Variants in ATP13A4 observed in about 807,000 individuals in gnomAD.
The protein encoded by ATP13A4 is ATPase 13A4, also known as probable cation-transporting ATPase 13A4.
Under a neutral mutation model 142.5 loss-of-function variants are expected in ATP13A4, and 114 were observed. The ratio of observed to expected loss-of-function variants is 0.80; its 90% CI spans 0.69 to 0.93. The LOEUF is 0.93. ATP13A4 is among the 40% of genes least tolerant of loss of function. The probability of loss-of-function intolerance (pLI) is 0.00; values close to 1 mark genes in which losing one functional copy is unlikely to be tolerated. For synonymous variants in ATP13A4, 488 were observed against 514.8 expected, an observed-to-expected ratio of 0.95 and a Z score of 0.70; for missense variants, 1,392 against 1,454.0, an observed-to-expected ratio of 0.96 and a Z score of 0.69.
intron 8 of ATP13A4, among the ~76,000 whole-genome samples, chr3:193,474,648 G>GAAGA (rs369712591): frequency 3.3e-4 from 42 of 127,310 alleles, no homozygotes; most frequent in Admixed American, 1.3e-3. Context: ...AGAAAGAAAG[G>GAAGA]AAGAAAGAAA....
At chr3:193,593,027 G>T in exon 1 of ATP13A4, 1 of 307,204 alleles carries the variant, frequency 3.3e-6, no homozygotes, top group Non-Finnish European at 6.0e-6. Context: ...TAACCTGCAA[G>T]GCTAATTCCG....
chr3:193,486,107 T>A (rs1216948808), intron 7 of ATP13A4, among the ~76,000 whole-genome samples: 1 of 150,742 alleles, frequency 6.6e-6, no homozygotes, highest in African/African-American at 2.4e-5. Flanking sequence ...AAATATTTTA[T>A]GATTCTGAGT....
intron 1 of ATP13A4, among the ~76,000 whole-genome samples, chr3:193,525,106 C>A (rs1577050816): frequency 6.6e-6 from 1 of 152,174 alleles, no homozygotes; most frequent in Admixed American, 6.5e-5. Context: ...AGCAGGCCCA[C>A]AAATATTTTT....
At chr3:193,443,043 A>G (rs2108624558) in intron 18 of ATP13A4, among the ~76,000 whole-genome samples, 1 of 152,274 alleles carries the variant, frequency 6.6e-6, no homozygotes, top group East Asian at 1.9e-4. Flanking sequence ...AAATTTGGAG[A>G]AGCAACCTAC....
At chr3:193,477,162 T>C (rs74805990) in intron 8 of ATP13A4, among the ~76,000 whole-genome samples, 1,654 of 152,222 alleles carry the variant, frequency 0.011, 50 homozygotes, top group African/African-American at 0.037. Flanking sequence ...CTTGATTCTA[T>C]TGAGGAAATT....
Position 193,416,713 on chromosome 3 carries a change from G to A in ATP13A4, c.2843-1963C>T, listed in dbSNP as rs139974003. Among the ~76,000 whole-genome samples the A allele has an allele frequency of 9.9e-4, 150 of 152,134 alleles. No homozygotes were observed. In the East Asian group the frequency reaches 0.016, roughly 16 times the overall value. ...AAAATGATAAACAAAAATGAACAGAGCCTAAAGGGCATGTATAACACAAAC... is the reference window on the plus strand; with the variant it reads ...AAAATGATAAACAAAAATGAACAGAACCTAAAGGGCATGTATAACACAAAC... On this transcript the variant is annotated intron_variant, in intron 25 of 29. Transcript: ENST00000342695.
At chr3:193,477,912 A>T (rs1291910697) in intron 8 of ATP13A4, among the ~76,000 whole-genome samples, 1 of 152,114 alleles carries the variant, frequency 6.6e-6, no homozygotes, top group Non-Finnish European at 1.5e-5. Context: ...CTGAACATTT[A>T]CATTTTAAAA....
At chr3:193,452,006 A>G (rs1424925161) in intron 17 of ATP13A4, among the ~76,000 whole-genome samples, 1 of 152,144 alleles carries the variant, frequency 6.6e-6, no homozygotes, top group Admixed American at 6.5e-5. Context: ...GAATTTCAGT[A>G]CCTTTAACCA....
chr3:193,441,019 A>C (rs150474929), intron 20 of ATP13A4, among the ~76,000 whole-genome samples: 3,921 of 149,990 alleles, frequency 0.026, 48 homozygotes, highest in Non-Finnish European at 0.034. Flanking sequence ...CTCTCTCTCT[A>C]TATATATATA....
chr3:193,551,797 G>A (rs907998500), intron 1 of ATP13A4, among the ~76,000 whole-genome samples: 5 of 152,176 alleles, frequency 3.3e-5, no homozygotes, highest in African/African-American at 1.2e-4. Context: ...CAGTCATTTA[G>A]GTGAACCTTC....
chr3:193,436,332 A>G (rs1716264869), intron 23 of ATP13A4, among the ~76,000 whole-genome samples: 1 of 152,210 alleles, frequency 6.6e-6, no homozygotes, highest in Non-Finnish European at 1.5e-5. Flanking sequence ...GTTATTGTTG[A>G]TTGATTTGAA....
chr3:193,543,317 AC>A (rs1364530716), intron 1 of ATP13A4, among the ~76,000 whole-genome samples: 30 of 152,332 alleles, frequency 2.0e-4, no homozygotes, highest in African/African-American at 7.0e-4. Context: ...CTTCTGCACA[AC>A]AAAAGAAACC....
intron 14 of ATP13A4, 28 bp from the exon 15 acceptor site, chr3:193,457,493 C>T (rs1717698324): frequency 1.3e-6 from 2 of 1,595,950 alleles, no homozygotes; most frequent in Non-Finnish European, 1.7e-6. Flanking sequence ...TATTTCATTG[C>T]AGAGATTTAT....
intron 24 of ATP13A4, among the ~76,000 whole-genome samples, chr3:193,434,567 C>T (rs930142696): frequency 1.3e-5 from 2 of 152,074 alleles, no homozygotes; most frequent in African/African-American, 2.4e-5. Context: ...CCAGAAATAG[C>T]CTATCCTTCT....
rs150247139 is a variant in ATP13A4, at chr3:193,563,196, A to C, written n.291+18511T>G. On this transcript the variant is annotated intron_variant and non_coding_transcript_variant, in intron 2 of 3. Coordinates refer to the ATP13A4 transcript ENST00000489140. ...AAACACAATTGAACAGCTTTATATTAATCTTTCTTGTTTAAGAACAGGAAA... is the reference window on the plus strand; with the variant it reads ...AAACACAATTGAACAGCTTTATATTCATCTTTCTTGTTTAAGAACAGGAAA... 4.6e-3 allele frequency among the ~76,000 whole-genome samples: 693 copies of C among 152,268 alleles called. 5 individuals are homozygous for C. Among genetic ancestry groups the C allele is most frequent in the African/African-American group, 0.016 (653 of 41,522 alleles).
At chr3:193,444,859 T>C (rs1716850025) in intron 18 of ATP13A4, among the ~76,000 whole-genome samples, 1 of 152,212 alleles carries the variant, frequency 6.6e-6, no homozygotes, top group Admixed American at 6.5e-5. Context: ...AGGAGCTACC[T>C]GAGGCTGGAA....
chr3:193,422,913 C>T (rs1427452631), intron 25 of ATP13A4, among the ~76,000 whole-genome samples: 5 of 148,764 alleles, frequency 3.4e-5, no homozygotes, highest in African/African-American at 7.4e-5. Flanking sequence ...AAAAGCAATA[C>T]AAAAGATAAG....
At chr3:193,537,291 A>C (rs1434376208) in intron 1 of ATP13A4, among the ~76,000 whole-genome samples, 1 of 152,168 alleles carries the variant, frequency 6.6e-6, no homozygotes, top group African/African-American at 2.4e-5. Context: ...ACAGACATAC[A>C]CAGATACACC....
At chr3:193,535,243 G>C (rs953157573) in intron 1 of ATP13A4, among the ~76,000 whole-genome samples, 3 of 152,158 alleles carry the variant, frequency 2.0e-5, no homozygotes, top group African/African-American at 7.2e-5. Context: ...GTCTTTTCAA[G>C]TTCTCATGGA....
Sources: gnomAD v4.1 joint callset for allele counts (sites outside exome capture counted in the v4.1 genomes callset) on GRCh38, gnomAD v4.1.1 for gene constraint, MANE v1.5 for transcripts, NCBI Gene and HGNC (gene_info 2026-07-23, HGNC 2026-07-21) for gene names.